CDKAL1: variants seen among roughly 807,000 people sequenced by gnomAD.
CDKAL1 encodes the protein threonylcarbamoyladenosine tRNA methylthiotransferase.
CDKAL1 carries 32 observed loss-of-function variants against 68.2 expected under a neutral mutation model. The ratio of observed to expected loss-of-function variants is 0.47; its 90% confidence interval spans 0.35 to 0.63. The LOEUF is 0.63. Ranked by LOEUF, CDKAL1 falls within the 30% of genes least tolerant of loss-of-function variation. CDKAL1 has a pLI of 0.00. For missense variants in CDKAL1, 606 were observed against 696.7 expected, an observed-to-expected ratio of 0.87 and a Z score of 1.47; for synonymous variants, 234 against 244.3, an observed-to-expected ratio of 0.96 and a Z score of 0.39.
intron 11 of CDKAL1, among the ~76,000 whole-genome samples, chr6:21,050,224 T>C (rs1162553376): frequency 6.6e-6 from 1 of 152,222 alleles, no homozygotes; most frequent in Non-Finnish European, 1.5e-5. Context: ...ATTAATATGT[T>C]AGTTGTATTT....
intron 9 of CDKAL1, among the ~76,000 whole-genome samples, chr6:20,890,505 A>G (rs1761337984): frequency 6.6e-6 from 1 of 152,214 alleles, no homozygotes; most frequent in Admixed American, 6.5e-5. Context: ...CGTTTATAAA[A>G]TCACATTTTT....
chr6:20,721,393 T>C (rs886129204), intron 5 of CDKAL1, among the ~76,000 whole-genome samples: 1 of 152,148 alleles, frequency 6.6e-6, no homozygotes, highest in African/African-American at 2.4e-5. Context: ...CCAAGGCAAA[T>C]GACATTATTT....
chr6:21,110,344 T>A (rs1003096077), intron 13 of CDKAL1, among the ~76,000 whole-genome samples: 1 of 152,210 alleles, frequency 6.6e-6, no homozygotes, highest in Non-Finnish European at 1.5e-5. Context: ...TCTCACTGAT[T>A]GGAATGTCCA....
intron 11 of CDKAL1, among the ~76,000 whole-genome samples, chr6:21,058,577 C>T (rs1770964272): frequency 6.6e-6 from 1 of 152,188 alleles, no homozygotes; most frequent in African/African-American, 2.4e-5. Context: ...AGTTATTTTG[C>T]AGACTTGTTT....
intron 13 of CDKAL1, among the ~76,000 whole-genome samples, chr6:21,114,982 A>C (rs912261455): frequency 6.6e-6 from 1 of 152,192 alleles, no homozygotes; most frequent in Non-Finnish European, 1.5e-5. Context: ...ATATAATAAA[A>C]ATGTAAAATA....
intron 9 of CDKAL1, among the ~76,000 whole-genome samples, chr6:20,910,336 A>T (rs1345668780): frequency 6.6e-6 from 1 of 152,228 alleles, no homozygotes; most frequent in Non-Finnish European, 1.5e-5. Flanking sequence ...TGGCAATGCA[A>T]CCCACCTGTG....
intron 4 of CDKAL1, among the ~76,000 whole-genome samples, chr6:20,563,589 C>T (rs1331656622): frequency 6.6e-6 from 1 of 151,436 alleles, no homozygotes; most frequent in African/African-American, 2.4e-5. Context: ...TCAACTGATC[C>T]TCCCATCTCA....
rs1261452790 is a variant in CDKAL1 at position 20,881,759 on chromosome 6, A to G, written c.742+35581A>G. Among the ~76,000 whole-genome samples, 3 of 151,400 alleles carry G rather than the reference A, an allele frequency of 2.0e-5. No homozygotes were observed. In the East Asian group the frequency reaches 5.8e-4, roughly 29 times the overall value. ...TTATGGTTGTGCATCTCATGTCTAT[A>G]CTCTTTGTTTTTATGCAGTCTCAAA... On this transcript the variant is annotated intron_variant, in intron 9 of 15. Coordinates refer to ENST00000274695, the MANE Select transcript of CDKAL1 (RefSeq NM_017774.3).
intron 12 of CDKAL1, among the ~76,000 whole-genome samples, chr6:21,092,254 CT>C (rs373536956): frequency 0.2 from 25,148 of 126,408 alleles, 2,574 homozygotes; most frequent in South Asian, 0.24. Flanking sequence ...TTAACTGATT[CT>C]TTTTTTTTTT....
At chr6:21,140,505 AC>A (rs1438132429) in intron 13 of CDKAL1, among the ~76,000 whole-genome samples, 2 of 152,140 alleles carry the variant, frequency 1.3e-5, no homozygotes, top group Admixed American at 6.5e-5. Context: ...TTTTTAAGAG[AC>A]TTGCCCACTT....
chr6:20,972,578 A>G (rs565201299), intron 10 of CDKAL1, among the ~76,000 whole-genome samples: 10 of 152,190 alleles, frequency 6.6e-5, no homozygotes, highest in Non-Finnish European at 1.0e-4. Flanking sequence ...AGCCTAGCCC[A>G]CGTTCCTAAG....
intron 5 of CDKAL1, among the ~76,000 whole-genome samples, chr6:20,732,510 T>A (rs142104048): frequency 0.015 from 2,241 of 150,580 alleles, 58 homozygotes; most frequent in African/African-American, 0.051. Flanking sequence ...TGGTCTCAAA[T>A]TCCTGACCTC....
intron 10 of CDKAL1, among the ~76,000 whole-genome samples, chr6:20,968,453 C>T (rs980980882): frequency 2.6e-5 from 4 of 152,122 alleles, no homozygotes; most frequent in Non-Finnish European, 5.9e-5. Context: ...GCCACCGCAC[C>T]CAGCCAATTA....
At chr6:21,199,156 C>T (rs1389308779) in intron 14 of CDKAL1, among the ~76,000 whole-genome samples, 3 of 152,122 alleles carry the variant, frequency 2.0e-5, no homozygotes, top group African/African-American at 4.8e-5. Flanking sequence ...TGCTGAAGGC[C>T]AAGGTGGACA....
intron 13 of CDKAL1, among the ~76,000 whole-genome samples, chr6:21,121,038 A>G (rs1386460888): frequency 1.3e-5 from 2 of 152,168 alleles, no homozygotes; most frequent in Non-Finnish European, 2.9e-5. Flanking sequence ...GCCGAGACCC[A>G]CTCAGCAAGA....
chr6:21,133,485 T>C (rs2151023756), intron 13 of CDKAL1, among the ~76,000 whole-genome samples: 1 of 152,352 alleles, frequency 6.6e-6, no homozygotes, highest in Non-Finnish European at 1.5e-5. Flanking sequence ...TGGCGTTTTC[T>C]GCCTATTACC....
intron 13 of CDKAL1, among the ~76,000 whole-genome samples, chr6:21,158,808 G>A (rs1205146947): frequency 2.6e-5 from 4 of 152,158 alleles, no homozygotes; most frequent in African/African-American, 9.7e-5. Context: ...TTAAAACTCT[G>A]ACTAGAATAA....
intron 9 of CDKAL1, among the ~76,000 whole-genome samples, chr6:20,910,825 CAG>C (rs939011883): frequency 6.6e-6 from 1 of 152,142 alleles, no homozygotes; most frequent in African/African-American, 2.4e-5. Context: ...AATTTGTAGA[CAG>C]ACACATGCAC....
chr6:21,097,767 G>A (rs1174082136), intron 12 of CDKAL1, among the ~76,000 whole-genome samples: 4 of 152,126 alleles, frequency 2.6e-5, no homozygotes, highest in South Asian at 2.1e-4. Context: ...TTCATGCCTC[G>A]AATATAAATT....
Sources: gnomAD v4.1 joint callset for allele counts (sites outside exome capture counted in the v4.1 genomes callset) on GRCh38, gnomAD v4.1.1 for gene constraint, MANE v1.5 for transcripts, NCBI Gene and HGNC (gene_info 2026-07-23, HGNC 2026-07-21) for gene names.